MRTFA: variants seen among roughly 807,000 people sequenced by gnomAD.
MRTFA encodes myocardin-related transcription factor A.
Under a neutral mutation model 83.5 loss-of-function variants are expected in MRTFA, and 20 were observed. The ratio of observed to expected loss-of-function variants is 0.24; its 90% CI spans 0.17 to 0.35. MRTFA has a LOEUF of 0.35. Among genes scored for constraint, MRTFA ranks in the 10% least tolerant of loss-of-function variants. MRTFA has a pLI of 1.00. For missense variants in MRTFA, 1,200 were observed against 1,224.7 expected, an observed-to-expected ratio of 0.98 and a Z score of 0.30; for synonymous variants, 659 against 541.2, an observed-to-expected ratio of 1.22 and a Z score of -3.02.
chr22:40,447,284 T>C (rs1409749661), intron 4 of MRTFA, among the ~76,000 whole-genome samples: 1 of 151,242 alleles, frequency 6.6e-6, no homozygotes, highest in Non-Finnish European at 1.5e-5. Flanking sequence ...GGCCAGGAGG[T>C]TGAGGCTGTG....
At chr22:40,602,816 C>T (rs2056275778) in intron 1 of MRTFA, among the ~76,000 whole-genome samples, 1 of 152,134 alleles carries the variant, frequency 6.6e-6, no homozygotes, top group Admixed American at 6.6e-5. Flanking sequence ...TATTGCACTC[C>T]AGCCTGGGTG....
rs879740514 is a variant in MRTFA, at chr22:40,569,762, TA to T, written c.-21-17396del. 576 of 151,342 alleles carry T rather than the reference TA, an allele frequency of 3.8e-3. 4 individuals are homozygous for T. Among genetic ancestry groups the T allele is most frequent in the East Asian group, 0.011 (57 of 5,130 alleles). 9.4% of individuals were successfully genotyped at this position (151,342 alleles called of 1,614,324 possible). ...ATACATACATACATACATACATACATACATACATACATACATCAAGGGGGTG... is the reference window on the plus strand; with the variant it reads ...ATACATACATACATACATACATACATCATACATACATACATCAAGGGGGTG... On this transcript the variant is annotated intron_variant, in intron 2 of 14. Transcript: ENST00000355630.
intron 2 of MRTFA, among the ~76,000 whole-genome samples, chr22:40,583,911 A>G (rs1012832411): frequency 6.6e-6 from 1 of 152,246 alleles, no homozygotes; most frequent in African/African-American, 2.4e-5. Context: ...AGCAGTTCAC[A>G]GAAAGTGCAC....
At chr22:40,609,114 A>C (rs1748574785) in intron 1 of MRTFA, among the ~76,000 whole-genome samples, 1 of 151,938 alleles carries the variant, frequency 6.6e-6, no homozygotes, top group Non-Finnish European at 1.5e-5. Context: ...AACATGGTGA[A>C]ACCCCATTTC....
chr22:40,533,579 A>C, intron 3 of MRTFA: 2 of 1,224,698 alleles, frequency 1.6e-6, no homozygotes, highest in Non-Finnish European at 2.0e-6. Context: ...ATTAGGATTT[A>C]TGTGAATTAC....
intron 4 of MRTFA, among the ~76,000 whole-genome samples, chr22:40,462,589 A>C (rs912977040): frequency 1.3e-5 from 2 of 152,154 alleles, no homozygotes; most frequent in African/African-American, 4.8e-5. Context: ...TCCGTTTATA[A>C]TGCTGTTGGT....
chr22:40,412,085 A>ATATT (rs1453599529), intron 14 of MRTFA, 178 bp from the exon 15 acceptor site: 4 of 479,362 alleles, frequency 8.3e-6, no homozygotes, highest in African/African-American at 8.0e-5. Context: ...TGCAAATCAC[A>ATATT]TATTTGATAA....
intron 3 of MRTFA, among the ~76,000 whole-genome samples, chr22:40,501,845 G>A (rs1166005860): frequency 4.6e-5 from 3 of 65,234 alleles, no homozygotes; most frequent in Admixed American, 1.2e-4. Context: ...GCGGCTGGCC[G>A]GGCGGGGGGC....
chr22:40,420,267 G>C, intron 11 of MRTFA, 138 bp downstream of exon 11: 3 of 1,008,700 alleles, frequency 3.0e-6, no homozygotes, highest in Non-Finnish European at 4.3e-6. Flanking sequence ...ATGGGGACCA[G>C]AGCCTAAAGC....
At chr22:40,545,583 C>T (rs2055350071) in intron 3 of MRTFA, among the ~76,000 whole-genome samples, 2 of 152,078 alleles carry the variant, frequency 1.3e-5, no homozygotes, top group South Asian at 2.1e-4. Flanking sequence ...CAGGCGCCTG[C>T]CACCACGCCC....
chr22:40,513,161 A>G (rs1272828686), intron 3 of MRTFA, among the ~76,000 whole-genome samples: 1 of 152,240 alleles, frequency 6.6e-6, no homozygotes, highest in Non-Finnish European at 1.5e-5. Context: ...AGTCTAAGCC[A>G]AAAGTGTTCA....
At chr22:40,491,119 G>A (rs773775825) in intron 3 of MRTFA, among the ~76,000 whole-genome samples, 12 of 152,194 alleles carry the variant, frequency 7.9e-5, no homozygotes, top group East Asian at 5.8e-4. Context: ...GAGGCGGGAG[G>A]ATCGCTTAAG....
intron 6 of MRTFA, 117 bp downstream of exon 6, chr22:40,431,288 T>C: frequency 1.1e-6 from 1 of 950,988 alleles, no homozygotes; most frequent in South Asian, 1.4e-5. Context: ...GGCTCTGGCT[T>C]ACCCACTGCC....
At chr22:40,633,432 A>C (rs1325216573) in intron 1 of MRTFA, among the ~76,000 whole-genome samples, 2 of 152,184 alleles carry the variant, frequency 1.3e-5, no homozygotes, top group African/African-American at 4.8e-5. Context: ...TGTTAATACA[A>C]CTTAAAAATT....
chr22:40,455,282 TC>T (rs1428308890), intron 4 of MRTFA, among the ~76,000 whole-genome samples: 2 of 152,218 alleles, frequency 1.3e-5, no homozygotes, highest in Non-Finnish European at 2.9e-5. Flanking sequence ...AATAGTTCTA[TC>T]TTCACTTAAC....
intron 3 of MRTFA, among the ~76,000 whole-genome samples, chr22:40,529,324 TTTA>T (rs1473069163): frequency 6.6e-6 from 1 of 152,182 alleles, no homozygotes; most frequent in Non-Finnish European, 1.5e-5. Flanking sequence ...ATATTTTATT[TTTA>T]TTTTTTTGAG....
chr22:40,459,822 C>CATATATATATATATAT (rs1284924516), intron 4 of MRTFA, among the ~76,000 whole-genome samples: 4 of 68,244 alleles, frequency 5.9e-5, no homozygotes, highest in African/African-American at 1.3e-4. Flanking sequence ...CACACACACA[C>CATATATATATATATAT]ATATATACAT....
chr22:40,506,880 G>A (rs1050277132), intron 3 of MRTFA, among the ~76,000 whole-genome samples: 1 of 152,124 alleles, frequency 6.6e-6, no homozygotes, highest in East Asian at 1.9e-4. Flanking sequence ...CACAAAAAGT[G>A]CTCTATAAAA....
At chr22:40,541,632 C>G (rs1025099719) in intron 3 of MRTFA, among the ~76,000 whole-genome samples, 2 of 152,004 alleles carry the variant, frequency 1.3e-5, no homozygotes, top group Non-Finnish European at 1.5e-5. Context: ...TTCCTTAGAC[C>G]CAGGATAGCT....
Sources: allele counts gnomAD v4.1 joint callset (sites outside exome capture counted in the v4.1 genomes callset), GRCh38; gene constraint gnomAD v4.1.1; transcripts MANE v1.5; gene names NCBI Gene and HGNC (gene_info 2026-07-23, HGNC 2026-07-21).